The following ANAPC15 variants were observed in gnomAD, a reference collection of about 807,000 sequenced individuals.
The protein encoded by ANAPC15 is anaphase-promoting complex subunit 15.
Under a neutral mutation model 19.8 loss-of-function variants are expected in ANAPC15, and 13 were observed. The observed-to-expected ratio is 0.66, with a 90% CI of 0.43 to 1.04. The LOEUF (loss-of-function observed/expected upper bound fraction) is 1.04, where lower values mean the gene tolerates loss of function less well. Among genes scored for constraint, ANAPC15 ranks in the 50% least tolerant of loss-of-function variants. The probability of loss-of-function intolerance (pLI) is 0.00; values close to 1 mark genes in which losing one functional copy is unlikely to be tolerated. For missense variants in ANAPC15, 88 were observed against 150.3 expected (o/e 0.59, Z 2.17); for synonymous variants, 45 against 50.7 (o/e 0.89, Z 0.47).
chr11:72,111,973 T>A (rs893409512), intron 1 of ANAPC15: 1 of 152,602 alleles, frequency 6.6e-6, no homozygotes, highest in African/African-American at 2.4e-5. Context: ...CGACCAGGAG[T>A]GCCAGATAAT....
At chr11:72,112,453 A>T (rs1458817367) in intron 1 of ANAPC15, 197 bp downstream of exon 1, 1 of 274,200 alleles carries the variant, frequency 3.6e-6, no homozygotes, top group African/African-American at 2.3e-5. Context: ...ACAGGAAGTG[A>T]CACCAATGAA....
At chr11:72,107,653 G>C, downstream of ANAPC15, 1 of 621,106 alleles carries the variant, frequency 1.6e-6, no homozygotes, top group East Asian at 2.7e-5. Flanking sequence ...ATGCCAGGCT[G>C]AGAATCCCAA....
rs748031928 is a variant in ANAPC15, at chr11:72,111,298, G to A, written c.-10-12C>T. ...ACATGGCTCCTAGACTGAGGGAAAGGGTCAAGTGAATGTGTTTTGCTTTGT... is the reference window on the plus strand; with the variant it reads ...ACATGGCTCCTAGACTGAGGGAAAGAGTCAAGTGAATGTGTTTTGCTTTGT... On this transcript the variant is annotated splice_polypyrimidine_tract_variant and intron_variant, in intron 2 of 5. Transcript: ENST00000227618. The A allele has an allele frequency of 1.7e-5, 27 of 1,573,512 alleles. No individual in the cohort carries two copies. The highest frequency in any genetic ancestry group is 2.3e-5 in the Non-Finnish European group (26 of 1,144,380).
chr11:72,108,882 T>C (rs1426442041), downstream of ANAPC15: 1 of 1,549,934 alleles, frequency 6.5e-7, no homozygotes, highest in Non-Finnish European at 8.7e-7. Flanking sequence ...TTCCCTGCCA[T>C]CAAGGATGGA....
At chr11:72,110,848 G>A (rs1946651959) in intron 3 of ANAPC15, 2 of 581,962 alleles carry the variant, frequency 3.4e-6, no homozygotes, top group Non-Finnish European at 6.1e-6. Context: ...AGACTTATCA[G>A]CCTAGAAAGC....
rs1946844641 is a variant in ANAPC15 at position 72,111,294 on chromosome 11, A to T, written c.-10-8T>A. The T allele has an allele frequency of 1.3e-6, 2 of 1,582,902 alleles. No homozygotes were observed. Among genetic ancestry groups the T allele is most frequent in the Non-Finnish European group, 1.7e-6 (2 of 1,152,984 alleles). On this transcript the variant is annotated splice_polypyrimidine_tract_variant and splice_region_variant and intron_variant, in intron 2 of 5. Coordinates refer to ENST00000227618, the MANE Select transcript of ANAPC15 (RefSeq NM_014042.3). ...GTGGACATGGCTCCTAGACTGAGGGAAAGGGTCAAGTGAATGTGTTTTGCT... is the reference window on the plus strand; with the variant it reads ...GTGGACATGGCTCCTAGACTGAGGGTAAGGGTCAAGTGAATGTGTTTTGCT...
chr11:72,110,543 C>A lies in ANAPC15; in HGVS notation c.180+1G>T, dbSNP rs1315092579. The A allele has an allele frequency of 6.2e-7, 1 of 1,614,254 alleles. No individual in the cohort carries two copies. The highest frequency in any genetic ancestry group is 2.2e-5 in the East Asian group (1 of 44,876). On this transcript the variant is annotated splice_donor_variant, in intron 4 of 5. Transcript: ENST00000227618. LOFTEE classifies it high-confidence loss of function. ...AGGCCCCACCTGCTAGAGCCACTCA[C>A]CTCTGAGGCTGGCTTGCCAATAGGA... is the stretch of plus-strand genomic sequence containing the variant.
chr11:72,110,922 G>T, intron 3 of ANAPC15: 1 of 579,906 alleles, frequency 1.7e-6, no homozygotes, highest in East Asian at 2.9e-5. Context: ...AAAAGAGCTT[G>T]GGCTGAGTGT....
downstream of ANAPC15, chr11:72,107,216 G>A (rs1467403605): frequency 1.6e-5 from 9 of 552,104 alleles, no homozygotes; most frequent in South Asian, 1.1e-4. Flanking sequence ...GCAGTGAGCC[G>A]TGATCATGCT....
At chr11:72,110,922 G>C (rs1946685613) in intron 3 of ANAPC15, 1 of 579,788 alleles carries the variant, frequency 1.7e-6, no homozygotes, top group Non-Finnish European at 3.0e-6. Flanking sequence ...AAAAGAGCTT[G>C]GGCTGAGTGT....
rs1466462550 is a variant in ANAPC15, at chr11:72,110,040, G to C, written c.318+48C>G. ...TACCCCTTGGCCATCAACTGGGTCA[G>C]GAGCAAGGGTCCAGGAACAGAGGCC... On this transcript the variant is annotated intron_variant, in intron 5 of 5. Transcript: ENST00000227618. 1.9e-6 allele frequency: 3 copies of C among 1,614,040 alleles called. No individual in the cohort carries two copies. In the South Asian group the frequency reaches 3.3e-5, roughly 18 times the overall value.
At chr11:72,111,115 G>A in intron 3 of ANAPC15, 42 bp downstream of exon 3, 1 of 1,364,682 alleles carries the variant, frequency 7.3e-7, no homozygotes, top group Non-Finnish European at 1.0e-6. Context: ...GGAGGTCTCT[G>A]TCTGTGCTGA....
chr11:72,111,383 C>G, intron 2 of ANAPC15, 29 bp downstream of exon 2: 1 of 899,630 alleles, frequency 1.1e-6, no homozygotes. Context: ...AGCAGGAAAG[C>G]AGCCCCTCCC....
chr11:72,110,688 A>G, intron 3 of ANAPC15, 85 bp from the exon 4 acceptor site: 1 of 1,466,116 alleles, frequency 6.8e-7, no homozygotes. Context: ...TGCCCAGAAG[A>G]CAACCCACAC....
In ANAPC15 at chr11:72,111,158, C is replaced by G. The variant is rs370918258; in HGVS notation, c.119G>C (p.Trp40Ser). 1 of 1,557,092 alleles carries G rather than the reference C, an allele frequency of 6.4e-7. No individual in the cohort carries two copies. The highest frequency in any genetic ancestry group is 8.8e-7 in the Non-Finnish European group (1 of 1,141,486). ...GTGCTGTGCTAGCTGCTCACTCACC[C>G]AGGCCTGATGCTGCTGTTCCTGCTG... ...LQQQEQQHQA[W>S]LQSIAEKDNN... is the part of the protein sequence containing the mutation. Residue 40 changes from tryptophan to serine, a missense_variant and splice_region_variant, in exon 3 of 6, where the codon TGG becomes TCG. Transcript: ENST00000227618.
chr11:72,110,802 C>T (rs1454815515), intron 3 of ANAPC15, 199 bp from the exon 4 acceptor site: 7 of 600,510 alleles, frequency 1.2e-5, no homozygotes, highest in Admixed American at 6.4e-5. Flanking sequence ...TCTGAGCCTT[C>T]TTTTTTTTGT....
At chr11:72,109,979 C>T in intron 5 of ANAPC15, 51 bp from the exon 6 acceptor site, 1 of 1,614,082 alleles carries the variant, frequency 6.2e-7, no homozygotes, top group Non-Finnish European at 8.5e-7. Context: ...CAGCCTCAGC[C>T]CCAGATCCTG....
Position 72,110,562 on chromosome 11 carries a change from A to G in ANAPC15, c.162T>C (p.Ile54=). ...CACTCACCTCTGAGGCTGGCTTGCC[A>G]ATAGGAACCAGGTTGTTGTCTTTCT... ...IAEKDNNLVP[I]GKPASEHYDD... Residue 54 remains isoleucine, a synonymous_variant, in exon 4 of 6, where the codon ATT becomes ATC. Coordinates refer to ENST00000227618, the MANE Select transcript of ANAPC15 (RefSeq NM_014042.3). 1 of 1,614,216 alleles carries G rather than the reference A, an allele frequency of 6.2e-7. No homozygotes were observed. The highest frequency in any genetic ancestry group is 8.5e-7 in the Non-Finnish European group (1 of 1,180,030).
Position 72,111,339 on chromosome 11 carries a change from G to A in ANAPC15, c.-10-53C>T, listed in dbSNP as rs1045558724. 12 of 1,420,830 alleles carry A rather than the reference G, an allele frequency of 8.4e-6. No individual in the cohort carries two copies. The African/African-American group carries it at 1.6e-4, about 18-fold the overall frequency. 88.0% of individuals were successfully genotyped at this position (1,420,830 alleles called of 1,614,324 possible). A position where few individuals can be genotyped will look rare whatever the true frequency, so the allele number is the denominator to read the frequency against. ...TTTGCTTTGTTTTTGTTTTTAATTT[G>A]GTTGTAATTTGATTTAGGGATAGGG... On this transcript the variant is annotated intron_variant, in intron 2 of 5. Coordinates refer to ENST00000227618, the MANE Select transcript of ANAPC15 (RefSeq NM_014042.3).
Sources: gnomAD v4.1 joint callset for allele counts on GRCh38, gnomAD v4.1.1 for gene constraint, MANE v1.5 for transcripts, NCBI Gene and HGNC (gene_info 2026-07-23, HGNC 2026-07-21) for gene names.